Variants in DMD observed in about 807,000 individuals in gnomAD.
The protein encoded by DMD is dystrophin, also known as mutant dystrophin.
A neutral mutation model predicts 330.1 loss-of-function variants in DMD; 63 were observed. The observed-to-expected ratio is 0.19, with a 90% CI of 0.16 to 0.24. The LOEUF (loss-of-function observed/expected upper bound fraction) is 0.24. Ranked by LOEUF, DMD falls within the 10% of genes least tolerant of loss-of-function variation. The probability of loss-of-function intolerance (pLI) is 1.00; values close to 1 mark genes in which losing one functional copy is unlikely to be tolerated. For missense variants in DMD, 3,344 were observed against 2,684.1 expected, an observed-to-expected ratio of 1.25 and a Z score of -5.43; for synonymous variants, 1,223 against 959.8, an observed-to-expected ratio of 1.27 and a Z score of -5.07.
chrX:31,434,302 G>A (rs967851458), intron 60 of DMD, among the ~76,000 whole-genome samples: 8 of 110,132 alleles, frequency 7.3e-5, no homozygotes, highest in African/African-American at 2.6e-4. Flanking sequence ...AGATATAGAT[G>A]AATAGAAGAG....
At chrX:33,109,718 G>GT (rs1389945799) in intron 1 of DMD, among the ~76,000 whole-genome samples, 1 of 111,352 alleles carries the variant, frequency 9.0e-6, no homozygotes, top group East Asian at 2.8e-4. Context: ...AAGATTTACG[G>GT]TTTTTTTTCC....
At chrX:31,165,186 G>C (rs763007024) in intron 74 of DMD, among the ~76,000 whole-genome samples, 332 of 112,086 alleles carry the variant, frequency 3.0e-3, no homozygotes, top group African/African-American at 0.01. Context: ...TAATTCAGTG[G>C]TATCAGTAAC....
intron 59 of DMD, among the ~76,000 whole-genome samples, chrX:31,476,867 G>A (rs1400550186): frequency 1.8e-5 from 2 of 111,496 alleles, no homozygotes; most frequent in Non-Finnish European, 3.8e-5. Flanking sequence ...AAAGAGGAGA[G>A]AAAACACAAA....
chrX:33,009,579 C>CGT (rs2093575821), intron 2 of DMD, among the ~76,000 whole-genome samples: 3 of 33,784 alleles, frequency 8.9e-5, no homozygotes, highest in African/African-American at 3.1e-4. Flanking sequence ...TGTATATACA[C>CGT]ATATGTGTGT....
At chrX:31,749,762 A>G (rs1336994021) in intron 51 of DMD, among the ~76,000 whole-genome samples, 1 of 106,791 alleles carries the variant, frequency 9.4e-6, no homozygotes, top group Non-Finnish European at 1.9e-5. Context: ...TCCCACCAAC[A>G]GTGTAAGAGT....
At chrX:31,313,064 C>T (rs1178634930) in intron 62 of DMD, among the ~76,000 whole-genome samples, 4 of 95,171 alleles carry the variant, frequency 4.2e-5, no homozygotes, top group African/African-American at 1.7e-4. Flanking sequence ...ACATGTATCT[C>T]GGTTTTTTGG....
At chrX:32,625,586 A>ATTTT (rs2058296505) in intron 11 of DMD, among the ~76,000 whole-genome samples, 1 of 111,968 alleles carries the variant, frequency 8.9e-6, no homozygotes, top group Non-Finnish European at 1.9e-5. Flanking sequence ...TAAAATTTTC[A>ATTTT]TTTTCCATAT....
chrX:31,240,844 A>C (rs1357866018), intron 63 of DMD, among the ~76,000 whole-genome samples: 1 of 111,952 alleles, frequency 8.9e-6, no homozygotes, highest in Non-Finnish European at 1.9e-5. Context: ...AGGCCTAAGA[A>C]GTAAAATTCA....
chrX:32,912,891 G>GTTTATGTCTTAAAATCTTTTGTT (rs2087416226), intron 2 of DMD, among the ~76,000 whole-genome samples: 1 of 112,218 alleles, frequency 8.9e-6, no homozygotes, highest in Admixed American at 9.5e-5. Flanking sequence ...GATTGAAACT[G>GTTTATGTCTTAAAATCTTTTGTT]TATGTCTTAA....
chrX:31,832,175 A>G (rs1189973189), intron 49 of DMD, among the ~76,000 whole-genome samples: 1 of 112,239 alleles, frequency 8.9e-6, no homozygotes, highest in Non-Finnish European at 1.9e-5. Flanking sequence ...TGATTTATGA[A>G]ATCCAAGTAT....
intron 60 of DMD, among the ~76,000 whole-genome samples, chrX:31,417,748 TG>T (rs1243318039): frequency 9.5e-6 from 1 of 105,652 alleles, no homozygotes; most frequent in African/African-American, 3.5e-5. Context: ...AGTGCAATGG[TG>T]GGATCTTGGC....
intron 44 of DMD, among the ~76,000 whole-genome samples, chrX:31,979,917 T>A (rs1448935888): frequency 8.9e-6 from 1 of 112,604 alleles, no homozygotes; most frequent in Non-Finnish European, 1.9e-5. Flanking sequence ...ATAATCTATA[T>A]GAATGTCCAA....
chrX:31,543,096 C>T (rs189905402), intron 55 of DMD, among the ~76,000 whole-genome samples: 69 of 111,104 alleles, frequency 6.2e-4, no homozygotes, highest in Admixed American at 5.7e-3. Context: ...AGGGCAACCT[C>T]GGCAATTGGC....
Position 31,447,476 on chromosome X carries a change from C to T in DMD, c.8938-2849G>A, listed in dbSNP as rs188244378. Among the ~76,000 whole-genome samples, 14 of 109,670 alleles carry T rather than the reference C, an allele frequency of 1.3e-4. No homozygotes were observed. In the East Asian group the frequency reaches 2.0e-3, roughly 16 times the overall value. On this transcript the variant is annotated intron_variant, in intron 59 of 78. Transcript: ENST00000357033. ...CTCCCATCAGTTGACTTGTTACAAC[C>T]GTCAGTTGTGTGTATGTTCTCAAAC...
At chrX:33,224,077 C>T (rs2052240140) in intron 1 of DMD, among the ~76,000 whole-genome samples, 1 of 112,343 alleles carries the variant, frequency 8.9e-6, no homozygotes, top group Non-Finnish European at 1.9e-5. Flanking sequence ...AGAACAGTGA[C>T]ACCACCCAAT....
At chrX:32,063,808 G>C (rs1413734051) in intron 44 of DMD, among the ~76,000 whole-genome samples, 1 of 111,023 alleles carries the variant, frequency 9.0e-6, no homozygotes, top group African/African-American at 3.3e-5. Flanking sequence ...AGACAACCTG[G>C]AAGTTAAAAT....
intron 17 of DMD, among the ~76,000 whole-genome samples, chrX:32,527,563 C>A (rs1012351945): frequency 1.8e-5 from 2 of 109,580 alleles, no homozygotes; most frequent in Admixed American, 2.0e-4. Flanking sequence ...TTGTCCCTCT[C>A]TGCTTGTTTC....
intron 1 of DMD, among the ~76,000 whole-genome samples, chrX:33,177,986 A>C (rs1337444809): frequency 8.9e-6 from 1 of 112,501 alleles, no homozygotes; most frequent in Non-Finnish European, 1.9e-5. Flanking sequence ...GGAATTTTAA[A>C]AAACTTGAGT....
chrX:32,558,693 A>T (rs2050602123), intron 16 of DMD, among the ~76,000 whole-genome samples: 1 of 111,506 alleles, frequency 9.0e-6, no homozygotes, highest in Admixed American at 9.6e-5. Context: ...CCACTATAGA[A>T]ATCTGCCTAG....
Sources: gnomAD v4.1 joint callset for allele counts (sites outside exome capture counted in the v4.1 genomes callset) on GRCh38, gnomAD v4.1.1 for gene constraint, MANE v1.5 for transcripts, NCBI Gene and HGNC (gene_info 2026-07-23, HGNC 2026-07-21) for gene names.